PPP2R2B: variants seen among roughly 807,000 people sequenced by gnomAD.
PPP2R2B encodes the protein serine/threonine-protein phosphatase 2A 55 kDa regulatory subunit B beta isoform.
A neutral mutation model predicts 46.0 loss-of-function variants in PPP2R2B; 5 were observed. The ratio of observed to expected loss-of-function variants is 0.11; its 90% CI spans 0.06 to 0.23. The LOEUF (loss-of-function observed/expected upper bound fraction) is 0.23. Among genes scored for constraint, PPP2R2B ranks in the 10% least tolerant of loss-of-function variants. The pLI, the probability that PPP2R2B is intolerant of heterozygous loss-of-function variation, is 1.00. For synonymous variants in PPP2R2B, 215 were observed against 206.7 expected (o/e 1.04, Z -0.34); for missense variants, 367 against 575.0 (o/e 0.64, Z 3.70).
chr5:146,878,267 C>A lies in PPP2R2B; in HGVS notation c.-124-72G>T, dbSNP rs1344243405. 7.4e-6 allele frequency: 11 copies of A among 1,476,580 alleles called. No homozygotes were observed. Among genetic ancestry groups the A allele is most frequent in the Non-Finnish European group, 8.9e-6 (10 of 1,117,488 alleles). 91.5% of individuals were successfully genotyped at this position (1,476,580 alleles called of 1,614,324 possible). A position where few individuals can be genotyped will look rare whatever the true frequency, so the allele number is the denominator to read the frequency against. On this transcript the variant is annotated intron_variant, in intron 1 of 9. Coordinates refer to ENST00000394411, the MANE Select transcript of PPP2R2B (RefSeq NM_181675.4). This position sits in a 1 kb window ranked among gnomAD's most constrained non-coding sequence, Gnocchi z 4.5. Reference sequence around the variant, plus strand: ...CAATGGAGCTGTCACCTCCTCCACTCGGGTTCTGCGAGGCTGCGGCGGCTC... The same window carrying A: ...CAATGGAGCTGTCACCTCCTCCACTAGGGTTCTGCGAGGCTGCGGCGGCTC...
chr5:146,686,251 G>T (rs1406938407), intron 5 of PPP2R2B, among the ~76,000 whole-genome samples: 1 of 152,174 alleles, frequency 6.6e-6, no homozygotes, highest in Non-Finnish European at 1.5e-5. Context: ...TGCTTTCATG[G>T]AGCTTACAGT....
chr5:146,716,321 C>T (rs1459446305), intron 2 of PPP2R2B, among the ~76,000 whole-genome samples: 2 of 152,148 alleles, frequency 1.3e-5, no homozygotes, highest in African/African-American at 2.4e-5. Flanking sequence ...GACATTGTCA[C>T]TTACATGTGT....
chr5:147,068,669 T>G (rs1459094598), intron 2 of PPP2R2B, among the ~76,000 whole-genome samples: 1 of 152,214 alleles, frequency 6.6e-6, no homozygotes, highest in African/African-American at 2.4e-5. Context: ...GAAGCTGCGC[T>G]TTACATGAAT....
intron 1 of PPP2R2B, among the ~76,000 whole-genome samples, chr5:146,987,416 C>A (rs879650116): frequency 6.6e-6 from 1 of 151,880 alleles, no homozygotes; most frequent in Non-Finnish European, 1.5e-5. Context: ...ATAATAATTA[C>A]AATGATTTGT....
chr5:147,008,344 A>G (rs1304887764), intron 1 of PPP2R2B, among the ~76,000 whole-genome samples: 1 of 152,182 alleles, frequency 6.6e-6, no homozygotes, highest in Non-Finnish European at 1.5e-5. Context: ...GTCTATGCAT[A>G]AAACATTTAT....
At chr5:146,772,550 C>A (rs1306960939) in intron 2 of PPP2R2B, among the ~76,000 whole-genome samples, 1 of 151,596 alleles carries the variant, frequency 6.6e-6, no homozygotes, top group African/African-American at 2.4e-5. Context: ...TGTCTATATT[C>A]TTCTGTGTTT....
intron 2 of PPP2R2B, among the ~76,000 whole-genome samples, chr5:146,845,315 T>TTTTTTTTTTTTTTTTTTTTG (rs1759924138): frequency 8.0e-6 from 1 of 125,504 alleles, no homozygotes. Flanking sequence ...CTTTTTTTTG[T>TTTTTTTTTTTTTTTTTTTTG]TTTTTTTTGA....
chr5:146,645,244 A>G (rs1029317224), intron 6 of PPP2R2B, among the ~76,000 whole-genome samples: 1 of 152,180 alleles, frequency 6.6e-6, no homozygotes, highest in Admixed American at 6.5e-5. Context: ...TAATCTTTGG[A>G]TATTAAGCAA....
intron 1 of PPP2R2B, among the ~76,000 whole-genome samples, chr5:146,981,985 T>C (rs1390766118): frequency 6.6e-6 from 1 of 152,208 alleles, no homozygotes; most frequent in African/African-American, 2.4e-5. Context: ...TGGAGTTTCC[T>C]TATTTTTTGT....
chr5:146,826,979 C>T (rs969642417), intron 2 of PPP2R2B, among the ~76,000 whole-genome samples: 4 of 152,174 alleles, frequency 2.6e-5, no homozygotes, highest in African/African-American at 9.6e-5. Context: ...TAGCTCATCA[C>T]AGGTGCTCAA....
rs10223096 is a variant in PPP2R2B, at chr5:146,659,062, T to C, written c.448-8338A>G. Among the ~76,000 whole-genome samples, 336 of 152,244 alleles carry C rather than the reference T, an allele frequency of 2.2e-3. 4 individuals carry two copies. The highest frequency in any genetic ancestry group is 6.9e-3 in the African/African-American group (287 of 41,568). On this transcript the variant is annotated intron_variant, in intron 5 of 9. Transcript: ENST00000394411. ...TGATCAAAAACCTTTTAACATGATTTAGGGGAAATGCAATAAAAATAGATG... is the reference window on the plus strand; with the variant it reads ...TGATCAAAAACCTTTTAACATGATTCAGGGGAAATGCAATAAAAATAGATG...
chr5:146,774,915 G>A (rs947753028), intron 2 of PPP2R2B, among the ~76,000 whole-genome samples: 2 of 151,144 alleles, frequency 1.3e-5, no homozygotes, highest in African/African-American at 4.9e-5. Context: ...TAGAAACACA[G>A]ACATTACCAA....
chr5:146,674,262 G>A (rs995923601), intron 5 of PPP2R2B, among the ~76,000 whole-genome samples: 4 of 152,128 alleles, frequency 2.6e-5, no homozygotes, highest in Admixed American at 2.6e-4. Flanking sequence ...TATGGTGAGA[G>A]CTTAAGTAAA....
intron 1 of PPP2R2B, among the ~76,000 whole-genome samples, chr5:146,886,121 G>A (rs188103873): frequency 6.6e-6 from 1 of 152,096 alleles, no homozygotes; most frequent in African/African-American, 2.4e-5. Flanking sequence ...GGCGGATCAC[G>A]AGGTCAGGAG....
At chr5:146,595,373 C>A (rs142494366) in intron 8 of PPP2R2B, among the ~76,000 whole-genome samples, 135 of 152,300 alleles carry the variant, frequency 8.9e-4, no homozygotes, top group Non-Finnish European at 1.6e-3. Context: ...TTGTGATGAA[C>A]CTTTCCTCAT....
intron 2 of PPP2R2B, among the ~76,000 whole-genome samples, chr5:146,709,744 G>C (rs1239853566): frequency 6.6e-6 from 1 of 152,186 alleles, no homozygotes; most frequent in East Asian, 1.9e-4. Flanking sequence ...ATGACAGATG[G>C]GAGAATGGGA....
intron 1 of PPP2R2B, among the ~76,000 whole-genome samples, chr5:146,979,850 T>A (rs1422697506): frequency 6.6e-6 from 1 of 152,112 alleles, no homozygotes; most frequent in Non-Finnish European, 1.5e-5. Context: ...TCTCAAAATA[T>A]CTTATTGTAC....
chr5:146,846,684 A>C (rs1203919096), intron 2 of PPP2R2B, among the ~76,000 whole-genome samples: 2 of 152,206 alleles, frequency 1.3e-5, no homozygotes, highest in Non-Finnish European at 2.9e-5. Flanking sequence ...TCTCAAAAAA[A>C]AAAATTAATT....
chr5:146,690,994 G>A lies in PPP2R2B; in HGVS notation c.447+134C>T, dbSNP rs1691849408. The A allele has an allele frequency of 6.0e-6, 4 of 661,768 alleles. No homozygotes were observed. The Admixed American group carries it at 8.7e-5, about 14-fold the overall frequency. 41.0% of individuals were successfully genotyped at this position (661,768 alleles called of 1,614,324 possible). A position where few individuals can be genotyped will look rare whatever the true frequency, so the allele number is the denominator to read the frequency against. On this transcript the variant is annotated intron_variant, in intron 5 of 9. Transcript: ENST00000394411. ...CTCCATCTGCCACCAGAGAGAGACT[G>A]GGGTAGGCTGAGTCTCTGCCTACGT... is the stretch of plus-strand genomic sequence containing the variant.
Sources: allele counts gnomAD v4.1 joint callset (sites outside exome capture counted in the v4.1 genomes callset), GRCh38; gene constraint gnomAD v4.1.1; non-coding constraint Gnocchi (gnomAD v3.1); transcripts MANE v1.5; gene names NCBI Gene and HGNC (gene_info 2026-07-23, HGNC 2026-07-21).